FAM78B: variants seen among roughly 807,000 people sequenced by gnomAD.
FAM78B encodes protein FAM78B.
FAM78B carries 10 observed loss-of-function variants against 20.0 expected under a neutral mutation model. That is an observed-to-expected ratio of 0.50 (90% CI 0.31 to 0.85). The LOEUF (loss-of-function observed/expected upper bound fraction) is 0.85, where lower values mean the gene tolerates loss of function less well. Ranked by LOEUF, FAM78B falls within the 40% of genes least tolerant of loss-of-function variation. The probability of loss-of-function intolerance (pLI) is 0.05; values close to 1 mark genes in which losing one functional copy is unlikely to be tolerated. For missense variants in FAM78B, 283 were observed against 345.0 expected, an observed-to-expected ratio of 0.82 and a Z score of 1.42; for synonymous variants, 135 against 132.8, an observed-to-expected ratio of 1.02 and a Z score of -0.12.
chr1:166,122,920 C>T (rs1450472122), intron 1 of FAM78B, among the ~76,000 whole-genome samples: 1 of 152,148 alleles, frequency 6.6e-6, no homozygotes, highest in Non-Finnish European at 1.5e-5. Flanking sequence ...CTATCTGAGG[C>T]CCCTCTTTTA....
chr1:166,133,736 G>A (rs1271419264), intron 1 of FAM78B, among the ~76,000 whole-genome samples: 5 of 152,090 alleles, frequency 3.3e-5, no homozygotes, highest in African/African-American at 9.7e-5. Flanking sequence ...TTCAGGCTAC[G>A]GCCTTTCTCA....
intron 1 of FAM78B, among the ~76,000 whole-genome samples, chr1:166,108,041 T>C (rs1042429774): frequency 6.6e-6 from 1 of 152,114 alleles, no homozygotes; most frequent in African/African-American, 2.4e-5. Flanking sequence ...AACATAATAC[T>C]GAATAGGGAA....
At chr1:166,133,522 T>C (rs920133439) in intron 1 of FAM78B, among the ~76,000 whole-genome samples, 1 of 146,554 alleles carries the variant, frequency 6.8e-6, no homozygotes, top group Non-Finnish European at 1.5e-5. Context: ...ATCCCACAAA[T>C]GTGTAACTGT....
At chr1:166,111,842 C>T (rs1290477369) in intron 1 of FAM78B, among the ~76,000 whole-genome samples, 3 of 152,204 alleles carry the variant, frequency 2.0e-5, no homozygotes, top group African/African-American at 7.2e-5. Context: ...GAGCAGCGTC[C>T]CTGGCTTCCC....
chr1:166,105,721 G>A (rs1482333341), intron 1 of FAM78B, among the ~76,000 whole-genome samples: 1 of 152,036 alleles, frequency 6.6e-6, no homozygotes, highest in South Asian at 2.1e-4. Flanking sequence ...TGCTGGAGAG[G>A]ATGTGGAGAA....
In FAM78B at chr1:166,094,070, T is replaced by C. The variant is rs1653182233; in HGVS notation, c.264-23307A>G. Among the ~76,000 whole-genome samples, 3 of 148,090 alleles carry C rather than the reference T, an allele frequency of 2.0e-5. No individual in the cohort carries two copies. In the South Asian group the frequency reaches 6.6e-4, roughly 33 times the overall value. Reference sequence around the variant, plus strand: ...GTGGTGTTCTTGAATCTCTGCTTTATTGAGCCAGTGGTGCAGCAGGGGAAG... The same window carrying C: ...GTGGTGTTCTTGAATCTCTGCTTTACTGAGCCAGTGGTGCAGCAGGGGAAG... On this transcript the variant is annotated intron_variant, in intron 1 of 1. Transcript: ENST00000354422.
At chr1:166,121,002 T>G (rs189624078) in intron 1 of FAM78B, among the ~76,000 whole-genome samples, 3 of 152,346 alleles carry the variant, frequency 2.0e-5, no homozygotes, top group Non-Finnish European at 4.4e-5. Context: ...CAACTCAGAG[T>G]GACCTTTCTT....
At chr1:166,101,125 G>A (rs1399931088) in intron 1 of FAM78B, among the ~76,000 whole-genome samples, 1 of 152,220 alleles carries the variant, frequency 6.6e-6, no homozygotes, top group Non-Finnish European at 1.5e-5. Context: ...ACCTGCAACT[G>A]AGGGTCCCGA....
downstream of FAM78B, among the ~76,000 whole-genome samples, chr1:166,068,023 T>G (rs1416164049): frequency 6.6e-6 from 1 of 152,236 alleles, no homozygotes; most frequent in East Asian, 1.9e-4. Context: ...TTTAATGCAC[T>G]AGGGGAATTT....
At chr1:166,165,345 C>T (rs1429479397) in intron 1 of FAM78B, among the ~76,000 whole-genome samples, 2 of 152,196 alleles carry the variant, frequency 1.3e-5, no homozygotes, top group African/African-American at 4.8e-5. Context: ...CACTCGGTGC[C>T]TTCCAGCTCC....
chr1:166,155,332 C>T (rs1655852131), intron 1 of FAM78B, among the ~76,000 whole-genome samples: 1 of 152,204 alleles, frequency 6.6e-6, no homozygotes, highest in African/African-American at 2.4e-5. Flanking sequence ...TCTGGCACTA[C>T]TTAGCTGAGT....
intron 1 of FAM78B, among the ~76,000 whole-genome samples, chr1:166,131,477 C>T (rs1036568980): frequency 2.6e-5 from 4 of 152,154 alleles, no homozygotes; most frequent in Non-Finnish European, 4.4e-5. Context: ...CAAACTACCT[C>T]ACAGTAGTGG....
chr1:166,106,549 A>G (rs112391120), intron 1 of FAM78B, among the ~76,000 whole-genome samples: 2,084 of 152,276 alleles, frequency 0.014, 49 homozygotes, highest in African/African-American at 0.048. Context: ...GCTGGAGGTC[A>G]TTGTCATATA....
chr1:166,093,440 AT>A (rs1229813306), intron 1 of FAM78B, among the ~76,000 whole-genome samples: 1 of 152,160 alleles, frequency 6.6e-6, no homozygotes, highest in Non-Finnish European at 1.5e-5. Context: ...GTCTCCTTTT[AT>A]ATCCTTTTCT....
rs774638559 is a variant in FAM78B, at chr1:166,070,744, C to T, written c.283G>A (p.Asp95Asn). ...GCTTTTACTCTCCCTTCCCTCAAGT[C>T]AGGCAGTTCCCAGCTTGACCTGGCA... ...DLGMSSWELP[D>N]LREGRVKAIS... Residue 95 changes from aspartate to asparagine, a missense_variant, in exon 2 of 2, where the codon GAC becomes AAC. By Grantham distance (23) the Asp-to-Asn change is conservative. Coordinates refer to ENST00000354422, the MANE Select transcript of FAM78B (RefSeq NM_001017961.5). The T allele has an allele frequency of 3.8e-6, 6 of 1,572,574 alleles. No individual in the cohort carries two copies. The highest frequency in any genetic ancestry group is 5.2e-6 in the Non-Finnish European group (6 of 1,159,398).
intron 1 of FAM78B, among the ~76,000 whole-genome samples, chr1:166,081,655 C>T (rs1382974236): frequency 6.6e-6 from 1 of 152,142 alleles, no homozygotes; most frequent in Non-Finnish European, 1.5e-5. Flanking sequence ...TTCTCCATCC[C>T]GAAGGTCACA....
In FAM78B at chr1:166,109,820, A is replaced by G. The variant is rs557727029; in HGVS notation, c.264-39057T>C. On this transcript the variant is annotated intron_variant, in intron 1 of 1. Coordinates refer to ENST00000354422, the MANE Select transcript of FAM78B (RefSeq NM_001017961.5). ...GTGATATATATGTATATATGTATAT[A>G]TATATATATATGTATATATGTATAT... Among the ~76,000 whole-genome samples the G allele has an allele frequency of 2.6e-3, 48 of 18,498 alleles. 1 individual carries two copies. Among genetic ancestry groups the G allele is most frequent in the Middle Eastern group, 0.026 (1 of 38 alleles). The allele number at this position is 18,498 out of a possible 152,430, so 12.1% of individuals were successfully genotyped here. A position where few individuals can be genotyped will look rare whatever the true frequency, so the allele number is the denominator to read the frequency against.
rs149373215 is a variant in FAM78B, at chr1:166,081,869, G to A, written c.264-11106C>T. Among the ~76,000 whole-genome samples the A allele has an allele frequency of 3.5e-3, 532 of 152,320 alleles. 1 individual carries two copies. Among genetic ancestry groups the A allele is most frequent in the African/African-American group, 0.011 (473 of 41,574 alleles). On this transcript the variant is annotated intron_variant, in intron 1 of 1. Transcript: ENST00000354422. ...GGCAGCATTCCAGGTGGCGAGCACAGAGACCTGCCTGTCCCTCACCATGCC... is the reference window on the plus strand; with the variant it reads ...GGCAGCATTCCAGGTGGCGAGCACAAAGACCTGCCTGTCCCTCACCATGCC...
chr1:166,112,611 C>T (rs1367565791), intron 1 of FAM78B, among the ~76,000 whole-genome samples: 1 of 152,160 alleles, frequency 6.6e-6, no homozygotes, highest in Non-Finnish European at 1.5e-5. Flanking sequence ...TCTGAGGAGC[C>T]TTATTATTCA....
Sources: gnomAD v4.1 joint callset for allele counts (sites outside exome capture counted in the v4.1 genomes callset) on GRCh38, gnomAD v4.1.1 for gene constraint, MANE v1.5 for transcripts, NCBI Gene and HGNC (gene_info 2026-07-23, HGNC 2026-07-21) for gene names.